The following TMEM132B variants were observed in gnomAD, a reference collection of about 807,000 sequenced individuals.
TMEM132B encodes the protein transmembrane protein 132B.
In TMEM132B, 18 loss-of-function variants were observed where a neutral mutation model predicts 90.8. That is an observed-to-expected ratio of 0.20 (90% CI 0.14 to 0.29). The LOEUF (loss-of-function observed/expected upper bound fraction) is 0.29, where lower values mean the gene tolerates loss of function less well. TMEM132B is among the 10% of genes least tolerant of loss of function. TMEM132B has a pLI of 1.00. For missense variants in TMEM132B, 1,096 were observed against 1,326.8 expected (o/e 0.83, Z 2.70); for synonymous variants, 504 against 523.3 (o/e 0.96, Z 0.50).
intron 4 of TMEM132B, among the ~76,000 whole-genome samples, chr12:125,582,424 A>G (rs974401385): frequency 1.3e-5 from 2 of 152,126 alleles, no homozygotes; most frequent in African/African-American, 4.8e-5. Flanking sequence ...AGGGACTCCA[A>G]ATGTGAAAGC....
chr12:125,466,585 C>G (rs755732906), intron 3 of TMEM132B, among the ~76,000 whole-genome samples: 85 of 152,156 alleles, frequency 5.6e-4, no homozygotes, highest in Non-Finnish European at 1.1e-3. Context: ...GCTGGCGTTT[C>G]TGAATTATGA....
chr12:125,400,200 A>G (rs184559188), intron 2 of TMEM132B, among the ~76,000 whole-genome samples: 2 of 152,334 alleles, frequency 1.3e-5, no homozygotes, highest in Admixed American at 1.3e-4. Context: ...TCTTGTAAAA[A>G]TGTGAAATTT....
chr12:125,607,834 T>G (rs1885733247), intron 5 of TMEM132B, among the ~76,000 whole-genome samples: 1 of 152,236 alleles, frequency 6.6e-6, no homozygotes, highest in Admixed American at 6.5e-5. Flanking sequence ...ATTCTGGACA[T>G]TTCATATAAA....
intron 1 of TMEM132B, among the ~76,000 whole-genome samples, chr12:125,340,177 A>G (rs1448979974): frequency 6.6e-6 from 1 of 152,208 alleles, no homozygotes; most frequent in Non-Finnish European, 1.5e-5. Context: ...TGAGGCACAT[A>G]CCAGAAATGA....
At chr12:125,471,605 T>C (rs1272604153) in intron 3 of TMEM132B, among the ~76,000 whole-genome samples, 4 of 152,160 alleles carry the variant, frequency 2.6e-5, no homozygotes, top group Non-Finnish European at 5.9e-5. Context: ...TGAATGTGCT[T>C]TGTCTGGGAA....
chr12:125,530,973 C>T (rs886872970), intron 4 of TMEM132B, among the ~76,000 whole-genome samples: 9 of 152,228 alleles, frequency 5.9e-5, no homozygotes, highest in Middle Eastern at 3.4e-3. Context: ...CACTTAGATC[C>T]GGGGCAGCCC....
At chr12:125,502,025 C>T (rs139825271) in intron 3 of TMEM132B, among the ~76,000 whole-genome samples, 2,205 of 152,272 alleles carry the variant, frequency 0.014, 140 homozygotes, top group Admixed American at 0.11. Context: ...CACATATGCA[C>T]GCACGAATGC....
intron 3 of TMEM132B, among the ~76,000 whole-genome samples, chr12:125,473,165 A>T (rs1881767386): frequency 1.3e-5 from 2 of 152,036 alleles, no homozygotes; most frequent in Admixed American, 6.6e-5. Flanking sequence ...CTCCATGGTC[A>T]GCTCATTCCC....
At chr12:125,621,062 C>A (rs1886101573) in intron 5 of TMEM132B, among the ~76,000 whole-genome samples, 1 of 152,188 alleles carries the variant, frequency 6.6e-6, no homozygotes, top group African/African-American at 2.4e-5. Flanking sequence ...AAATAAATTC[C>A]ATTAATCCAT....
chr12:125,342,191 T>C (rs754845801), intron 1 of TMEM132B, among the ~76,000 whole-genome samples: 1 of 152,172 alleles, frequency 6.6e-6, no homozygotes, highest in Non-Finnish European at 1.5e-5. Flanking sequence ...AGGATCTTCA[T>C]GTATCCTTCT....
At chr12:125,392,327 T>C (rs193067663) in intron 2 of TMEM132B, among the ~76,000 whole-genome samples, 1 of 152,232 alleles carries the variant, frequency 6.6e-6, no homozygotes, top group East Asian at 1.9e-4. Context: ...ATAGGAGATA[T>C]GTATTTAGTG....
rs201828438 is a variant in TMEM132B at position 125,332,583 on chromosome 12, CTTTTTTTTTTTTTTTT to C, written c.68-16849_68-16834del. On this transcript the variant is annotated intron_variant, in intron 1 of 8. Coordinates refer to ENST00000682704, the MANE Select transcript of TMEM132B (RefSeq NM_001366854.1). ...CTGAGAAATTAATTCAGAGAGTTGG[CTTTTTTTTTTTTTTTT>C]TTTTTTTTTTTTTTTTTTTAAGACA... Among the ~76,000 whole-genome samples the C allele has an allele frequency of 1.1e-3, 58 of 52,420 alleles. No individual in the cohort carries two copies. The South Asian group carries it at 0.021, about 19-fold the overall frequency. 34.4% of individuals were successfully genotyped at this position (52,420 alleles called of 152,430 possible). A position where few individuals can be genotyped will look rare whatever the true frequency, so the allele number is the denominator to read the frequency against.
intron 1 of TMEM132B, among the ~76,000 whole-genome samples, chr12:125,274,286 C>G (rs1026699651): frequency 6.6e-6 from 1 of 152,194 alleles, no homozygotes; most frequent in Non-Finnish European, 1.5e-5. Flanking sequence ...ATCCGTTTTA[C>G]AGCTGACATT....
chr12:125,519,948 C>T (rs940748104), intron 4 of TMEM132B, among the ~76,000 whole-genome samples: 1 of 152,192 alleles, frequency 6.6e-6, no homozygotes, highest in African/African-American at 2.4e-5. Flanking sequence ...ATCAGGGTTA[C>T]ACGTTGGGAA....
At chr12:125,326,732 G>A in intron 1 of TMEM132B, 1 of 1,550,212 alleles carries the variant, frequency 6.5e-7, no homozygotes, top group Non-Finnish European at 8.7e-7. Flanking sequence ...CCAGACCCAA[G>A]GGGAGGTTTT....
At chr12:125,575,690 T>G (rs2136843813) in intron 4 of TMEM132B, among the ~76,000 whole-genome samples, 1 of 152,226 alleles carries the variant, frequency 6.6e-6, no homozygotes, top group Non-Finnish European at 1.5e-5. Context: ...TTTAATGGTT[T>G]GAGTGCTTAA....
At chr12:125,390,997 A>AT (rs1420670307) in intron 2 of TMEM132B, among the ~76,000 whole-genome samples, 19 of 150,286 alleles carry the variant, frequency 1.3e-4, no homozygotes, top group East Asian at 5.9e-4. Flanking sequence ...CTAAAGAGTT[A>AT]TTTTTTTTTC....
At chr12:125,252,799 C>T (rs906738570) in intron 1 of TMEM132B, among the ~76,000 whole-genome samples, 2 of 152,120 alleles carry the variant, frequency 1.3e-5, no homozygotes, top group African/African-American at 2.4e-5. Flanking sequence ...TCCCCGTTTC[C>T]CAGCTGATTA....
chr12:125,400,714 C>T (rs1177817725), intron 2 of TMEM132B, among the ~76,000 whole-genome samples: 1 of 152,206 alleles, frequency 6.6e-6, no homozygotes, highest in Non-Finnish European at 1.5e-5. Flanking sequence ...GTTAATTTAT[C>T]ACAGGGAAAG....
Sources: gnomAD v4.1 joint callset for allele counts (sites outside exome capture counted in the v4.1 genomes callset) on GRCh38, gnomAD v4.1.1 for gene constraint, MANE v1.5 for transcripts, NCBI Gene and HGNC (gene_info 2026-07-23, HGNC 2026-07-21) for gene names.